FOXJ2: variants seen among roughly 807,000 people sequenced by gnomAD.
The protein encoded by FOXJ2 is forkhead box J2, also known as forkhead box protein J2.
FOXJ2 carries 18 observed loss-of-function variants against 68.4 expected under a neutral mutation model. The observed-to-expected ratio is 0.26, with a 90% CI of 0.18 to 0.39. The LOEUF (loss-of-function observed/expected upper bound fraction) is 0.39. Ranked by LOEUF, FOXJ2 falls within the 10% of genes least tolerant of loss-of-function variation. FOXJ2 has a pLI of 1.00. For synonymous variants in FOXJ2, 274 were observed against 263.2 expected (o/e 1.04, Z -0.40); for missense variants, 670 against 726.5 (o/e 0.92, Z 0.89).
chr12:8,051,331 T>C (rs1947124315), intron 10 of FOXJ2, among the ~76,000 whole-genome samples: 1 of 152,024 alleles, frequency 6.6e-6, no homozygotes, highest in African/African-American at 2.4e-5. Flanking sequence ...GGTTTTGCCA[T>C]GTTGGCTAGG....
chr12:8,047,809 C>T, intron 6 of FOXJ2, 73 bp from the exon 7 acceptor site: 1 of 1,511,678 alleles, frequency 6.6e-7, no homozygotes, highest in Non-Finnish European at 8.9e-7. Flanking sequence ...CTTCCCATCT[C>T]AACCCAGGGA....
chr12:8,034,768 C>T (rs1050177080), intron 1 of FOXJ2, among the ~76,000 whole-genome samples: 3 of 152,214 alleles, frequency 2.0e-5, no homozygotes, highest in African/African-American at 7.2e-5. Context: ...CTTCCTGTTT[C>T]TTGTTCAGTT....
At chr12:8,037,951 G>C (rs1235461718) in intron 1 of FOXJ2, among the ~76,000 whole-genome samples, 1 of 152,198 alleles carries the variant, frequency 6.6e-6, no homozygotes, top group Non-Finnish European at 1.5e-5. Flanking sequence ...GTGGCAGTGG[G>C]ATGAAGAGGA....
chr12:8,049,063 G>C (rs1947078768), intron 8 of FOXJ2, among the ~76,000 whole-genome samples: 1 of 152,202 alleles, frequency 6.6e-6, no homozygotes, highest in Non-Finnish European at 1.5e-5. Flanking sequence ...TAGAGACCGT[G>C]GACCACGATT....
At chr12:8,034,817 A>G (rs1946876740) in intron 1 of FOXJ2, among the ~76,000 whole-genome samples, 1 of 152,206 alleles carries the variant, frequency 6.6e-6, no homozygotes, top group Non-Finnish European at 1.5e-5. Context: ...TTTCCTTCAT[A>G]AGCTAGGGAA....
chr12:8,050,455 TC>T, intron 9 of FOXJ2, 66 bp from the exon 10 acceptor site: 2 of 1,566,468 alleles, frequency 1.3e-6, no homozygotes, highest in East Asian at 2.3e-5. Context: ...ATTTTTTTCT[TC>T]CCTGCTTTGT....
intron 1 of FOXJ2, among the ~76,000 whole-genome samples, chr12:8,036,234 G>A (rs984437669): frequency 6.6e-6 from 1 of 152,120 alleles, no homozygotes; most frequent in African/African-American, 2.4e-5. Flanking sequence ...TTCTGTATGG[G>A]GCAGGAAGTC....
chr12:8,041,890 T>C (rs895166579), intron 2 of FOXJ2, among the ~76,000 whole-genome samples: 2 of 151,928 alleles, frequency 1.3e-5, no homozygotes, highest in African/African-American at 4.8e-5. Flanking sequence ...TTTTTTTTTT[T>C]TTTTGAGACG....
rs1414840185 is a variant in FOXJ2, at chr12:8,044,822, G to A, written c.681G>A (p.Glu227=). Residue 227 remains glutamate, a synonymous_variant, in exon 6 of 11, where the codon GAG becomes GAA. Coordinates refer to ENST00000162391, the MANE Select transcript of FOXJ2 (RefSeq NM_018416.3). The part of the protein sequence containing the change: ...AAGASGRESA[E]GPPPLYNTNH... ...GGGCTTCAGGCCGAGAAAGTGCTGA[G>A]GGTCCCCCTCCCCTCTATAACACCA... is the stretch of plus-strand genomic sequence containing the variant. 2 of 1,613,836 alleles carry A rather than the reference G, an allele frequency of 1.2e-6. No homozygotes were observed. The highest frequency in any genetic ancestry group is 1.7e-6 in the Non-Finnish European group (2 of 1,179,874).
chr12:8,045,364 G>A (rs1358640727), intron 6 of FOXJ2, among the ~76,000 whole-genome samples: 3 of 151,260 alleles, frequency 2.0e-5, no homozygotes, highest in Admixed American at 6.6e-5. Flanking sequence ...GACTACAGGC[G>A]CATGCCACAC....
rs58872364 is a variant in FOXJ2 at position 8,035,415 on chromosome 12, A to G, written c.-15+1582A>G. The stretch of plus-strand genomic sequence containing the variant: ...GGACAGTCCTTTAAGCAGCAGGGCA[A>G]CCCAGTCTCAGGCTGGGATCATTTC... On this transcript the variant is annotated intron_variant, in intron 1 of 10. Transcript: ENST00000162391. The surrounding 1 kb of genome is among the most constrained non-coding windows in gnomAD (Gnocchi z 4.0). Among the ~76,000 whole-genome samples, 7,950 of 152,118 alleles carry G rather than the reference A, an allele frequency of 0.052. 697 individuals carry two copies. Among genetic ancestry groups the G allele is most frequent in the African/African-American group, 0.18 (7,474 of 41,478 alleles).
Position 8,049,587 on chromosome 12 carries a change from A to G in FOXJ2, c.1537+16A>G. 1 of 1,547,044 alleles carries G rather than the reference A, an allele frequency of 6.5e-7. No homozygotes were observed. The highest frequency in any genetic ancestry group is 8.8e-7 in the Non-Finnish European group (1 of 1,140,756). On this transcript the variant is annotated intron_variant, in intron 9 of 10. Coordinates refer to ENST00000162391, the MANE Select transcript of FOXJ2 (RefSeq NM_018416.3). ...ATGAGCCAAGGTACTGCACCAAGCC[A>G]GTTGCCATGGAGGTGGAGACTATGT...
chr12:8,043,182 A>C (rs1201186651), intron 3 of FOXJ2, among the ~76,000 whole-genome samples: 2 of 134,976 alleles, frequency 1.5e-5, no homozygotes, highest in Non-Finnish European at 3.0e-5. Context: ...GTGCCATTGC[A>C]CTCCAGCCTG....
chr12:8,049,316 C>A (rs1423633774), intron 8 of FOXJ2, 46 bp from the exon 9 acceptor site: 2 of 1,536,062 alleles, frequency 1.3e-6, no homozygotes, highest in Non-Finnish European at 1.8e-6. Context: ...CTGATAGGGG[C>A]TTCCTACCTC....
At chr12:8,044,258 G>T (rs538808121) in intron 5 of FOXJ2, among the ~76,000 whole-genome samples, 167 bp downstream of exon 5, 1 of 152,140 alleles carries the variant, frequency 6.6e-6, no homozygotes, top group Non-Finnish European at 1.5e-5. Context: ...AAATAGAAAG[G>T]CATAGCAGAA....
intron 6 of FOXJ2, among the ~76,000 whole-genome samples, chr12:8,045,257 C>T (rs1430497789): frequency 5.5e-5 from 8 of 145,340 alleles, no homozygotes; most frequent in South Asian, 2.1e-4. Flanking sequence ...TCGCTCTTGT[C>T]GCCCAGGCTG....
chr12:8,036,792 C>T (rs753137771), intron 1 of FOXJ2, among the ~76,000 whole-genome samples: 3 of 152,128 alleles, frequency 2.0e-5, no homozygotes, highest in Non-Finnish European at 4.4e-5. Flanking sequence ...ACTGAGGCAT[C>T]AAGACTTCAC....
chr12:8,049,121 C>T (rs1171029228), intron 8 of FOXJ2, among the ~76,000 whole-genome samples: 1 of 152,156 alleles, frequency 6.6e-6, no homozygotes, highest in Non-Finnish European at 1.5e-5. Flanking sequence ...GGCTGAGTCA[C>T]TCAGTCACAT....
At chr12:8,044,202 A>G in intron 5 of FOXJ2, 111 bp downstream of exon 5, 2 of 1,276,320 alleles carry the variant, frequency 1.6e-6, no homozygotes, top group Non-Finnish European at 2.0e-6. Context: ...AGGCAGATAA[A>G]TTGAGAAGGA....
Sources: gnomAD v4.1 joint callset for allele counts (sites outside exome capture counted in the v4.1 genomes callset) on GRCh38, gnomAD v4.1.1 for gene constraint, Gnocchi (gnomAD v3.1) non-coding constraint, MANE v1.5 for transcripts, NCBI Gene and HGNC (gene_info 2026-07-23, HGNC 2026-07-21) for gene names.